Variants in ATP10B observed in about 807,000 individuals in gnomAD.
ATP10B encodes the protein ATPase phospholipid transporting 10B (putative).
ATP10B carries 122 observed loss-of-function variants against 141.2 expected under a neutral mutation model. The ratio of observed to expected loss-of-function variants is 0.86; its 90% CI spans 0.75 to 1.00. The LOEUF (loss-of-function observed/expected upper bound fraction) is 1.00, where lower values mean the gene tolerates loss of function less well. Ranked by LOEUF, ATP10B falls within the 50% of genes least tolerant of loss-of-function variation. The pLI is 0.00. For synonymous variants in ATP10B, 685 were observed against 692.0 expected (o/e 0.99, Z 0.16); for missense variants, 1,876 against 1,825.3 (o/e 1.03, Z -0.51).
At chr5:160,773,270 G>A (rs1284160891) in intron 2 of ATP10B, among the ~76,000 whole-genome samples, 1 of 152,196 alleles carries the variant, frequency 6.6e-6, no homozygotes, top group Non-Finnish European at 1.5e-5. Context: ...GCTAATGGAA[G>A]CAAATAGCTT....
the ATP10B span, among the ~76,000 whole-genome samples, chr5:160,922,598 T>C: frequency 6.6e-6 from 1 of 152,158 alleles, no homozygotes; most frequent in Non-Finnish European, 1.5e-5. Flanking sequence ...CTACAAAGAA[T>C]TCCAATGACC....
At chr5:160,734,739 G>T (rs1766993391) in intron 2 of ATP10B, among the ~76,000 whole-genome samples, 1 of 151,834 alleles carries the variant, frequency 6.6e-6, no homozygotes, top group South Asian at 2.1e-4. Flanking sequence ...CAAGTTGAAA[G>T]TAAATAACAA....
chr5:160,615,739 A>G (rs1757958289), intron 17 of ATP10B, 99 bp downstream of exon 17: 5 of 1,461,398 alleles, frequency 3.4e-6, no homozygotes, highest in Non-Finnish European at 4.7e-6. Flanking sequence ...GAAGGCTGCT[A>G]ATGGAGACAT....
At chr5:160,864,321 A>T in the ATP10B span, among the ~76,000 whole-genome samples, 1 of 152,084 alleles carries the variant, frequency 6.6e-6, no homozygotes, top group Non-Finnish European at 1.5e-5. Context: ...AGAATCGAAA[A>T]CAAAAATTAT....
At chr5:160,877,658 CCTT>C in the ATP10B span, among the ~76,000 whole-genome samples, 4 of 149,438 alleles carry the variant, frequency 2.7e-5, no homozygotes, top group Non-Finnish European at 6.0e-5. Context: ...CCCAAAATCT[CCTT>C]AAGCTGATAA....
chr5:160,921,846 C>G, the ATP10B span, among the ~76,000 whole-genome samples: 1 of 152,220 alleles, frequency 6.6e-6, no homozygotes, highest in Non-Finnish European at 1.5e-5. Context: ...GATGGCTTCC[C>G]TTTTGGGCCT....
At chr5:160,754,674 T>A (rs1768391138) in intron 2 of ATP10B, among the ~76,000 whole-genome samples, 1 of 152,176 alleles carries the variant, frequency 6.6e-6, no homozygotes, top group Non-Finnish European at 1.5e-5. Context: ...GCCTTGTTAG[T>A]TCTTTGTGGA....
the ATP10B span, among the ~76,000 whole-genome samples, chr5:160,926,993 T>G: frequency 6.6e-6 from 1 of 152,234 alleles, no homozygotes; most frequent in African/African-American, 2.4e-5. Context: ...TGCAAAGGGC[T>G]CACATTACCT....
intron 2 of ATP10B, among the ~76,000 whole-genome samples, chr5:160,733,503 A>G (rs1017529345): frequency 9.9e-5 from 15 of 152,276 alleles, no homozygotes; most frequent in African/African-American, 2.9e-4. Context: ...ATAGGCACAT[A>G]GATGTGCTAA....
chr5:160,659,611 G>A (rs565098922), intron 7 of ATP10B, among the ~76,000 whole-genome samples: 91 of 152,110 alleles, frequency 6.0e-4, no homozygotes, highest in Non-Finnish European at 1.1e-3. Context: ...GGGAAGAGGG[G>A]ACATTGTGTG....
At position 160,813,126 on chromosome 5, in the gene ATP10B, G is replaced by A. The variant is rs143818197; in HGVS notation, c.-575-27323C>T. On this transcript the variant is annotated intron_variant, in intron 1 of 25. Transcript: ENST00000327245. ...AGGTTCATCTCACTGGGGAGTGTCA[G>A]AAAGTGGATGCAGGACAGTGGGTGC... is the stretch of plus-strand genomic sequence containing the variant. 1.8e-4 allele frequency among the ~76,000 whole-genome samples: 28 copies of A among 152,372 alleles called. No individual in the cohort carries two copies. The East Asian group carries it at 5.4e-3, about 29-fold the overall frequency.
chr5:160,676,143 T>C (rs969243629), intron 6 of ATP10B, among the ~76,000 whole-genome samples: 2 of 152,146 alleles, frequency 1.3e-5, no homozygotes, highest in East Asian at 1.9e-4. Flanking sequence ...ATTGGGAGGA[T>C]GTTTGAAGCC....
Position 160,660,962 on chromosome 5 carries a change from G to C in ATP10B, c.675+9501C>G, listed in dbSNP as rs187732668. 4.1e-3 allele frequency among the ~76,000 whole-genome samples: 630 copies of C among 152,272 alleles called. 1 individual carries two copies. The highest frequency in any genetic ancestry group is 5.9e-3 in the Non-Finnish European group (401 of 68,022). ...AACAGTTTGGGAGGCTGAGGTGGGCGGATCAACTGAGGTTGGGAGTTTAAG... is the reference window on the plus strand; with the variant it reads ...AACAGTTTGGGAGGCTGAGGTGGGCCGATCAACTGAGGTTGGGAGTTTAAG... On this transcript the variant is annotated intron_variant, in intron 7 of 25. Transcript: ENST00000327245.
chr5:160,572,709 A>G (rs1383055922), intron 24 of ATP10B, among the ~76,000 whole-genome samples: 1 of 152,238 alleles, frequency 6.6e-6, no homozygotes, highest in East Asian at 1.9e-4. Flanking sequence ...CTAATGATTA[A>G]GAGAGTCATA....
chr5:160,607,979 G>A (rs1757489311), intron 18 of ATP10B, among the ~76,000 whole-genome samples: 1 of 152,120 alleles, frequency 6.6e-6, no homozygotes, highest in Admixed American at 6.5e-5. Flanking sequence ...TGCACAACGT[G>A]CAGGTTTGTT....
intron 2 of ATP10B, among the ~76,000 whole-genome samples, chr5:160,763,295 T>C (rs893480148): frequency 6.6e-6 from 1 of 152,118 alleles, no homozygotes; most frequent in South Asian, 2.1e-4. Flanking sequence ...TTCTCCAAGA[T>C]AGACCATATG....
At chr5:160,585,908 C>CT (rs968631758) in intron 24 of ATP10B, among the ~76,000 whole-genome samples, 76 of 152,192 alleles carry the variant, frequency 5.0e-4, no homozygotes, top group African/African-American at 1.8e-3. Flanking sequence ...CTGGCTATGC[C>CT]TTTTTTTGTC....
intron 8 of ATP10B, among the ~76,000 whole-genome samples, chr5:160,647,457 G>T (rs1760375158): frequency 6.6e-6 from 1 of 152,194 alleles, no homozygotes; most frequent in South Asian, 2.1e-4. Flanking sequence ...AGGTCTCCCA[G>T]AGCAGCAACT....
upstream of ATP10B, among the ~76,000 whole-genome samples, chr5:160,856,327 A>G (rs1186707149): frequency 1.3e-5 from 2 of 151,814 alleles, no homozygotes; most frequent in African/African-American, 4.8e-5. Context: ...TGGTATACCA[A>G]AATAGAATAA....
Sources: allele counts gnomAD v4.1 joint callset (sites outside exome capture counted in the v4.1 genomes callset), GRCh38; gene constraint gnomAD v4.1.1; transcripts MANE v1.5; gene names NCBI Gene and HGNC (gene_info 2026-07-23, HGNC 2026-07-21).